Variants in BBX observed in about 807,000 individuals in gnomAD.
The protein encoded by BBX is HMG box transcription factor BBX.
BBX carries 30 observed loss-of-function variants against 100.2 expected under a neutral mutation model. The observed-to-expected ratio is 0.30, with a 90% CI of 0.22 to 0.41. The LOEUF (loss-of-function observed/expected upper bound fraction) is 0.41, where lower values mean the gene tolerates loss of function less well. BBX is among the 10% of genes least tolerant of loss of function. The probability of loss-of-function intolerance (pLI) is 1.00; values close to 1 mark genes in which losing one functional copy is unlikely to be tolerated. For missense variants in BBX, 1,023 were observed against 1,129.8 expected (o/e 0.91, Z 1.35); for synonymous variants, 376 against 388.1 (o/e 0.97, Z 0.37).
At chr3:107,675,207 C>T (rs1163803375) in intron 3 of BBX, among the ~76,000 whole-genome samples, 3 of 152,110 alleles carry the variant, frequency 2.0e-5, no homozygotes, top group Admixed American at 6.6e-5. Flanking sequence ...TATAGTGTAT[C>T]TGTCCTTACT....
intron 3 of BBX, among the ~76,000 whole-genome samples, chr3:107,664,973 T>A (rs2058663893): frequency 6.6e-6 from 1 of 152,188 alleles, no homozygotes; most frequent in Non-Finnish European, 1.5e-5. Context: ...GTATCTGATA[T>A]TTGTACACAC....
At chr3:107,629,730 A>AT (rs1450551404) in intron 2 of BBX, among the ~76,000 whole-genome samples, 1 of 152,186 alleles carries the variant, frequency 6.6e-6, no homozygotes, top group East Asian at 1.9e-4. Context: ...TTCTTAATAT[A>AT]GTCAGCTGAG....
At chr3:107,650,982 C>T (rs1454627461) in intron 3 of BBX, among the ~76,000 whole-genome samples, 1 of 152,136 alleles carries the variant, frequency 6.6e-6, no homozygotes, top group Non-Finnish European at 1.5e-5. Flanking sequence ...GGCCTTTCCT[C>T]TGTGTAGGCA....
At chr3:107,737,903 T>TG (rs2063766140) in intron 7 of BBX, among the ~76,000 whole-genome samples, 1 of 143,018 alleles carries the variant, frequency 7.0e-6, no homozygotes, top group African/African-American at 2.6e-5. Flanking sequence ...TTTTTTTTTT[T>TG]TTTTTTTTTT....
chr3:107,790,296 C>T (rs982724908), intron 14 of BBX, among the ~76,000 whole-genome samples: 7 of 152,100 alleles, frequency 4.6e-5, no homozygotes, highest in Non-Finnish European at 8.8e-5. Flanking sequence ...AAAGTGCCCC[C>T]GTTTCTGTAC....
At chr3:107,569,522 G>A (rs909977902) in intron 2 of BBX, among the ~76,000 whole-genome samples, 7 of 152,206 alleles carry the variant, frequency 4.6e-5, no homozygotes, top group East Asian at 3.9e-4. Context: ...GGTAGGTAGT[G>A]GAAAATTACT....
intron 3 of BBX, among the ~76,000 whole-genome samples, chr3:107,703,133 T>C (rs969330542): frequency 5.3e-5 from 8 of 152,238 alleles, no homozygotes; most frequent in African/African-American, 1.9e-4. Context: ...TAAGTGCATA[T>C]AATAAAAACC....
rs562086480 is a variant in BBX at position 107,808,876 on chromosome 3, A to C, written c.*3419A>C. On this transcript the variant is annotated 3_prime_UTR_variant, in exon 18 of 18. Coordinates refer to ENST00000325805, the MANE Select transcript of BBX (RefSeq NM_001142568.3). ...GTCAGATGAGCTTTCTACCGATGCC[A>C]TGTCCCAAAGCCATGTTAAAATAAT... is the stretch of plus-strand genomic sequence containing the variant. The C allele has an allele frequency of 1.3e-5, 2 of 152,344 alleles. No homozygotes were observed. Among genetic ancestry groups the C allele is most frequent in the South Asian group, 4.1e-4 (2 of 4,828 alleles). 9.4% of individuals were successfully genotyped at this position (152,344 alleles called of 1,614,324 possible).
chr3:107,664,583 G>A (rs2058644784), intron 3 of BBX, among the ~76,000 whole-genome samples: 1 of 151,980 alleles, frequency 6.6e-6, no homozygotes, highest in Non-Finnish European at 1.5e-5. Context: ...TTTCCCAATT[G>A]TCACTCATAC....
intron 14 of BBX, 52 bp downstream of exon 14, chr3:107,789,928 A>C (rs1040860184): frequency 7.2e-7 from 1 of 1,393,264 alleles, no homozygotes; most frequent in Non-Finnish European, 9.9e-7. Flanking sequence ...CTCCATTGTG[A>C]TTCATCTTTG....
intron 4 of BBX, among the ~76,000 whole-genome samples, chr3:107,714,498 T>C (rs2061962979): frequency 6.6e-6 from 1 of 152,220 alleles, no homozygotes; most frequent in African/African-American, 2.4e-5. Flanking sequence ...AAAGTTACTC[T>C]TTTCTGAAGG....
intron 3 of BBX, among the ~76,000 whole-genome samples, chr3:107,701,219 T>C (rs1161799206): frequency 6.6e-6 from 1 of 152,188 alleles, no homozygotes; most frequent in Non-Finnish European, 1.5e-5. Flanking sequence ...TCATGTGTTT[T>C]CTTAGAGTGA....
intron 2 of BBX, among the ~76,000 whole-genome samples, chr3:107,600,295 A>C (rs1261043471): frequency 2.0e-5 from 3 of 152,252 alleles, no homozygotes; most frequent in Non-Finnish European, 4.4e-5. Context: ...ATTGGTTACT[A>C]AGAAGCCACA....
intron 9 of BBX, among the ~76,000 whole-genome samples, chr3:107,748,678 T>G (rs2064821848): frequency 6.6e-6 from 1 of 152,202 alleles, no homozygotes; most frequent in African/African-American, 2.4e-5. Flanking sequence ...CTCAACCATA[T>G]GCTCATTTCT....
intron 3 of BBX, among the ~76,000 whole-genome samples, chr3:107,655,359 C>T (rs1429540346): frequency 1.3e-5 from 2 of 151,770 alleles, no homozygotes; most frequent in Non-Finnish European, 2.9e-5. Context: ...GATTATCAGC[C>T]CAAACTATGT....
intron 13 of BBX, among the ~76,000 whole-genome samples, chr3:107,788,618 A>G (rs971546454): frequency 6.6e-6 from 1 of 151,890 alleles, no homozygotes; most frequent in African/African-American, 2.4e-5. Context: ...AAAAAAAAAT[A>G]CAAAAAATTA....
At chr3:107,744,985 A>G (rs545402484) in intron 8 of BBX, among the ~76,000 whole-genome samples, 1 of 152,344 alleles carries the variant, frequency 6.6e-6, no homozygotes, top group African/African-American at 2.4e-5. Flanking sequence ...AAGGTTAAGA[A>G]TATATTGAAT....
chr3:107,604,586 T>G (rs552054950), intron 2 of BBX, among the ~76,000 whole-genome samples: 1 of 152,126 alleles, frequency 6.6e-6, no homozygotes, highest in Middle Eastern at 3.2e-3. Flanking sequence ...ATGACACTTC[T>G]GTTATTGGTG....
intron 2 of BBX, among the ~76,000 whole-genome samples, chr3:107,568,845 C>T (rs947668376): frequency 3.3e-5 from 5 of 152,138 alleles, no homozygotes; most frequent in African/African-American, 7.2e-5. Flanking sequence ...AGTTTCATTT[C>T]CAGGACTCAA....
Sources: gnomAD v4.1 joint callset for allele counts (sites outside exome capture counted in the v4.1 genomes callset) on GRCh38, gnomAD v4.1.1 for gene constraint, MANE v1.5 for transcripts, NCBI Gene and HGNC (gene_info 2026-07-23, HGNC 2026-07-21) for gene names.